Variants in STK32B observed in about 807,000 individuals in gnomAD.
STK32B encodes serine/threonine kinase 32B.
STK32B carries 43 observed loss-of-function variants against 52.6 expected under a neutral mutation model. That is an observed-to-expected ratio of 0.82 (90% CI 0.64 to 1.05). The LOEUF is 1.05. Among genes scored for constraint, STK32B ranks in the 50% least tolerant of loss-of-function variants. The pLI is 0.00. For synonymous variants in STK32B, 238 were observed against 204.3 expected (o/e 1.17, Z -1.41); for missense variants, 621 against 534.6 (o/e 1.16, Z -1.59).
intron 3 of STK32B, among the ~76,000 whole-genome samples, chr4:5,172,534 G>T (rs1719472301): frequency 6.6e-6 from 1 of 152,034 alleles, no homozygotes; most frequent in Non-Finnish European, 1.5e-5. Context: ...GTTGAATTTT[G>T]TCAAAGGCCT....
At chr4:5,131,787 C>G (rs1715793001) in intron 1 of STK32B, among the ~76,000 whole-genome samples, 1 of 152,174 alleles carries the variant, frequency 6.6e-6, no homozygotes, top group Non-Finnish European at 1.5e-5. Context: ...TTGCCCTGAC[C>G]ACCCTGTCTA....
chr4:5,163,582 AAG>A (rs1225611623), intron 2 of STK32B, among the ~76,000 whole-genome samples: 25 of 86,728 alleles, frequency 2.9e-4, no homozygotes, highest in East Asian at 9.5e-4. Flanking sequence ...GTGTGTGTGT[AAG>A]AGAGAGAGAG....
intron 3 of STK32B, among the ~76,000 whole-genome samples, chr4:5,304,611 A>G (rs28837078): frequency 0.13 from 19,409 of 151,914 alleles, 2,684 homozygotes; most frequent in African/African-American, 0.35. Flanking sequence ...CTAGGTATAC[A>G]ATCATGTCAT....
intron 3 of STK32B, among the ~76,000 whole-genome samples, chr4:5,272,678 A>T (rs200294210): frequency 0.017 from 2,589 of 152,064 alleles, 37 homozygotes; most frequent in East Asian, 0.069. Flanking sequence ...GCCCTCAGAA[A>T]TAACGCCGCC....
chr4:5,282,101 A>G (rs1263796406), intron 3 of STK32B, among the ~76,000 whole-genome samples: 2 of 152,198 alleles, frequency 1.3e-5, no homozygotes, highest in Non-Finnish European at 2.9e-5. Context: ...TCATTTGATG[A>G]TGAGACATTT....
intron 3 of STK32B, among the ~76,000 whole-genome samples, chr4:5,212,344 A>C (rs547082022): frequency 1.3e-5 from 2 of 152,184 alleles, no homozygotes; most frequent in Admixed American, 6.5e-5. Flanking sequence ...TGTGCAAGTA[A>C]TATTCAGATG....
At chr4:5,125,674 G>T (rs561082364) in intron 1 of STK32B, among the ~76,000 whole-genome samples, 2 of 152,268 alleles carry the variant, frequency 1.3e-5, no homozygotes, top group African/African-American at 4.8e-5. Context: ...ACGTCTCCCT[G>T]GTTTTCCTCT....
chr4:5,468,692 C>T (rs1289651240), intron 11 of STK32B, among the ~76,000 whole-genome samples: 1 of 152,146 alleles, frequency 6.6e-6, no homozygotes, highest in African/African-American at 2.4e-5. Flanking sequence ...GGGGTGTGCC[C>T]TGGCCATGGG....
intron 3 of STK32B, among the ~76,000 whole-genome samples, chr4:5,319,706 G>A (rs1456551651): frequency 1.3e-5 from 2 of 152,196 alleles, no homozygotes; most frequent in African/African-American, 4.8e-5. Context: ...CTTCAAGGAA[G>A]AGAATACAGT....
At chr4:5,375,857 G>A (rs1735556307) in intron 4 of STK32B, among the ~76,000 whole-genome samples, 2 of 152,150 alleles carry the variant, frequency 1.3e-5, no homozygotes, top group African/African-American at 4.8e-5. Context: ...CTGGAGGGCA[G>A]GTTCCTCTGT....
rs540559812 is a variant in STK32B at position 5,124,382 on chromosome 4, T to A, written c.53-15523T>A. ...CTCTTAGAGGTGGGTGGACATTCCC[T>A]TCTTGGCCCCCAGCCCATTGCCTCC... On this transcript the variant is annotated intron_variant, in intron 1 of 11. Transcript: ENST00000282908. Among the ~76,000 whole-genome samples, 4 of 152,184 alleles carry A rather than the reference T, an allele frequency of 2.6e-5. No individual in the cohort carries two copies. The South Asian group carries it at 8.3e-4, about 32-fold the overall frequency.
At chr4:5,216,907 G>A (rs1723214147) in intron 3 of STK32B, among the ~76,000 whole-genome samples, 1 of 152,170 alleles carries the variant, frequency 6.6e-6, no homozygotes. Flanking sequence ...AGTGCATGGA[G>A]GAGCTTAAGT....
At chr4:5,137,147 C>T (rs1395640416) in intron 1 of STK32B, among the ~76,000 whole-genome samples, 1 of 152,180 alleles carries the variant, frequency 6.6e-6, no homozygotes, top group Non-Finnish European at 1.5e-5. Flanking sequence ...CCAAGTCTCA[C>T]CTCTACAGCG....
intron 1 of STK32B, among the ~76,000 whole-genome samples, chr4:5,069,112 G>A (rs916590727): frequency 6.6e-6 from 1 of 152,152 alleles, no homozygotes; most frequent in African/African-American, 2.4e-5. Context: ...ACAGATGCAG[G>A]GTTGGAGCTG....
chr4:5,475,613 G>T (rs1413372913), intron 11 of STK32B, among the ~76,000 whole-genome samples: 4 of 150,688 alleles, frequency 2.7e-5, no homozygotes, highest in African/African-American at 9.8e-5. Flanking sequence ...CAGGAGAATT[G>T]CTTGAACCTG....
chr4:5,140,197 GAT>G, intron 2 of STK32B: 1 of 1,495,026 alleles, frequency 6.7e-7, no homozygotes, highest in Non-Finnish European at 9.0e-7. Context: ...TTTATTTCAG[GAT>G]TGCCAATGCC....
chr4:5,123,014 C>T (rs1024001372), intron 1 of STK32B, among the ~76,000 whole-genome samples: 1 of 152,170 alleles, frequency 6.6e-6, no homozygotes, highest in Non-Finnish European at 1.5e-5. Flanking sequence ...ATCCCAGCTC[C>T]CTTTCTCATT....
chr4:5,312,095 AATC>A (rs1730331641), intron 3 of STK32B, among the ~76,000 whole-genome samples: 1 of 151,668 alleles, frequency 6.6e-6, no homozygotes, highest in South Asian at 2.1e-4. Context: ...TATATAGTAC[AATC>A]ATCCATATAT....
chr4:5,235,605 A>C (rs1356976176), intron 3 of STK32B, among the ~76,000 whole-genome samples: 1 of 152,198 alleles, frequency 6.6e-6, no homozygotes, highest in Admixed American at 6.5e-5. Flanking sequence ...CTATCTTTAA[A>C]AAATTGGGAT....
Sources: allele counts gnomAD v4.1 joint callset (sites outside exome capture counted in the v4.1 genomes callset), GRCh38; gene constraint gnomAD v4.1.1; transcripts MANE v1.5; gene names NCBI Gene and HGNC (gene_info 2026-07-23, HGNC 2026-07-21).